Variants in NEDD4L observed in about 807,000 individuals in gnomAD.
NEDD4L encodes NEDD4 like E3 ubiquitin protein ligase.
NEDD4L carries 54 observed loss-of-function variants against 148.9 expected under a neutral mutation model. The ratio of observed to expected loss-of-function variants is 0.36; its 90% CI spans 0.29 to 0.45. NEDD4L has a LOEUF of 0.45. NEDD4L is among the 20% of genes least tolerant of loss of function. The pLI, the probability that NEDD4L is intolerant of heterozygous loss-of-function variation, is 1.00. For synonymous variants in NEDD4L, 433 were observed against 440.7 expected, an observed-to-expected ratio of 0.98 and a Z score of 0.22; for missense variants, 856 against 1,233.8, an observed-to-expected ratio of 0.69 and a Z score of 4.59.
At chr18:58,327,869 C>G (rs1022325213) in intron 9 of NEDD4L, among the ~76,000 whole-genome samples, 44 of 151,826 alleles carry the variant, frequency 2.9e-4, no homozygotes, top group African/African-American at 9.9e-4. Flanking sequence ...GGCATTTAAA[C>G]TTGTACACTA....
intron 2 of NEDD4L, among the ~76,000 whole-genome samples, chr18:58,238,021 G>C (rs193196862): frequency 5.3e-5 from 8 of 152,254 alleles, no homozygotes; most frequent in Non-Finnish European, 1.5e-5. Flanking sequence ...TTCTTCGGCA[G>C]CTTCAGAGAC....
rs932987976 is a variant in NEDD4L, at chr18:58,101,343, G to A, written c.48+56635G>A. Among the ~76,000 whole-genome samples, 7 of 152,298 alleles carry A rather than the reference G, an allele frequency of 4.6e-5. No homozygotes were observed. The South Asian group carries it at 8.3e-4, about 18-fold the overall frequency. ...GCGTGGCCCAGCTGTGTTTCTCTGA[G>A]GGCGATGTCCTCCTCAGGGTCTGTG... On this transcript the variant is annotated intron_variant, in intron 1 of 30. Transcript: ENST00000400345.
chr18:58,198,849 G>C (rs2041051073), intron 2 of NEDD4L, among the ~76,000 whole-genome samples: 1 of 152,062 alleles, frequency 6.6e-6, no homozygotes. Context: ...TGTCACCCAG[G>C]TCTGGAGTGC....
chr18:58,117,775 T>C (rs891012975), intron 1 of NEDD4L, among the ~76,000 whole-genome samples: 16 of 152,218 alleles, frequency 1.1e-4, no homozygotes, highest in African/African-American at 3.9e-4. Context: ...CTTATCAGCC[T>C]GGACTCCTTC....
chr18:58,244,868 G>T (rs1040915045), intron 2 of NEDD4L, among the ~76,000 whole-genome samples: 1 of 151,972 alleles, frequency 6.6e-6, no homozygotes, highest in Non-Finnish European at 1.5e-5. Flanking sequence ...GCTGATTTTT[G>T]TATTTTTAGT....
chr18:58,330,645 A>G (rs1468828812), intron 10 of NEDD4L, 93 bp from the exon 11 acceptor site: 2 of 959,046 alleles, frequency 2.1e-6, no homozygotes, highest in Non-Finnish European at 1.5e-6. Flanking sequence ...TATAGTTATC[A>G]CCGGGGCTAT....
intron 2 of NEDD4L, among the ~76,000 whole-genome samples, chr18:58,170,115 C>T (rs1281073647): frequency 1.3e-5 from 2 of 152,182 alleles, no homozygotes. Context: ...TCCTTCCCTC[C>T]CTTTCCCACC....
chr18:58,071,325 A>C (rs1300217056), intron 1 of NEDD4L, among the ~76,000 whole-genome samples: 1 of 152,178 alleles, frequency 6.6e-6, no homozygotes, highest in East Asian at 1.9e-4. Context: ...CTTAAAAAAA[A>C]TATTGGGTGA....
intron 2 of NEDD4L, among the ~76,000 whole-genome samples, chr18:58,200,865 T>C (rs1397655806): frequency 6.6e-6 from 1 of 152,378 alleles, no homozygotes; most frequent in Middle Eastern, 3.4e-3. Context: ...GTACAGATGC[T>C]GAATCTATTA....
intron 1 of NEDD4L, among the ~76,000 whole-genome samples, chr18:58,155,177 C>G (rs1443226311): frequency 6.6e-6 from 1 of 151,124 alleles, no homozygotes; most frequent in Non-Finnish European, 1.5e-5. Flanking sequence ...TGAAAATAAC[C>G]CATTTGTCAT....
At chr18:58,104,751 T>C (rs2145557973) in intron 1 of NEDD4L, among the ~76,000 whole-genome samples, 1 of 152,304 alleles carries the variant, frequency 6.6e-6, no homozygotes, top group East Asian at 1.9e-4. Flanking sequence ...TTTTTTCCTT[T>C]TCATCACTAA....
chr18:58,365,425 T>G (rs1227498693), intron 20 of NEDD4L, among the ~76,000 whole-genome samples: 2 of 152,212 alleles, frequency 1.3e-5, no homozygotes. Context: ...AGGAGGCAGT[T>G]GCCACAACCT....
At chr18:58,320,093 A>G (rs1040085386) in intron 6 of NEDD4L, among the ~76,000 whole-genome samples, 1 of 152,202 alleles carries the variant, frequency 6.6e-6, no homozygotes, top group Non-Finnish European at 1.5e-5. Flanking sequence ...TAAGCTGCAT[A>G]GGGTATGGAC....
At chr18:58,378,986 T>C (rs1335591300) in intron 24 of NEDD4L, among the ~76,000 whole-genome samples, 1 of 152,226 alleles carries the variant, frequency 6.6e-6, no homozygotes, top group East Asian at 1.9e-4. Context: ...GGAATTTTTC[T>C]ACTGCAGTGT....
rs2043597773 is a variant in NEDD4L, at chr18:58,349,520, T to C, written c.1576-17T>C. ...ACTTCCACTTAGCATCTACTGTCTT[T>C]TACATTTTTCTTGCAGGAAGATCCA... is the stretch of plus-strand genomic sequence containing the variant. On this transcript the variant is annotated splice_polypyrimidine_tract_variant and intron_variant, in intron 16 of 30. Transcript: ENST00000400345. 1 of 1,608,512 alleles carries C rather than the reference T, an allele frequency of 6.2e-7. No homozygotes were observed. Among genetic ancestry groups the C allele is most frequent in the Non-Finnish European group, 8.5e-7 (1 of 1,174,988 alleles).
At chr18:58,364,033 A>G (rs1461855875) in intron 19 of NEDD4L, among the ~76,000 whole-genome samples, 1 of 152,250 alleles carries the variant, frequency 6.6e-6, no homozygotes, top group Non-Finnish European at 1.5e-5. Flanking sequence ...TGGTTTCTCA[A>G]ATAGCAGTAT....
chr18:58,051,439 T>G (rs1568143513), intron 1 of NEDD4L, among the ~76,000 whole-genome samples: 1 of 152,158 alleles, frequency 6.6e-6, no homozygotes, highest in Non-Finnish European at 1.5e-5. Flanking sequence ...TACATTGGAG[T>G]TTCTGCTAAA....
At chr18:58,139,944 G>A (rs1233107849) in intron 1 of NEDD4L, among the ~76,000 whole-genome samples, 1 of 152,198 alleles carries the variant, frequency 6.6e-6, no homozygotes, top group African/African-American at 2.4e-5. Context: ...ATTTCAAGCA[G>A]GGATGTGACC....
chr18:58,102,945 G>A (rs897502053), intron 1 of NEDD4L, among the ~76,000 whole-genome samples: 5 of 152,192 alleles, frequency 3.3e-5, no homozygotes, highest in African/African-American at 1.2e-4. Context: ...GCTATTTTCA[G>A]GCAGCTCAGC....
Sources: allele counts gnomAD v4.1 joint callset (sites outside exome capture counted in the v4.1 genomes callset), GRCh38; gene constraint gnomAD v4.1.1; transcripts MANE v1.5; gene names NCBI Gene and HGNC (gene_info 2026-07-23, HGNC 2026-07-21).